KDM2A: variants seen among roughly 807,000 people sequenced by gnomAD.
The protein encoded by KDM2A is lysine-specific demethylase 2A.
Under a neutral mutation model 137.3 loss-of-function variants are expected in KDM2A, and 3 were observed. The ratio of observed to expected loss-of-function variants is 0.02; its 90% CI spans 0.01 to 0.06. The LOEUF (loss-of-function observed/expected upper bound fraction) is 0.06. Among genes scored for constraint, KDM2A ranks in the 10% least tolerant of loss-of-function variants. The pLI, the probability that KDM2A is intolerant of heterozygous loss-of-function variation, is 1.00. For synonymous variants in KDM2A, 512 were observed against 541.5 expected, an observed-to-expected ratio of 0.95 and a Z score of 0.76; for missense variants, 738 against 1,510.6, an observed-to-expected ratio of 0.49 and a Z score of 8.48.
chr11:67,195,697 C>A, intron 5 of KDM2A: 1 of 166,838 alleles, frequency 6.0e-6, no homozygotes. Flanking sequence ...TTAAATTCTT[C>A]AAGCAAATTG....
intron 2 of KDM2A, among the ~76,000 whole-genome samples, chr11:67,124,847 ACTTTCTTTTT>A (rs1363180267): frequency 6.7e-6 from 1 of 150,246 alleles, no homozygotes; most frequent in East Asian, 1.9e-4. Context: ...TTTGGAGAGA[ACTTTCTTTTT>A]CTTTCTTTTT....
At chr11:67,135,388 T>C (rs2136287787) in intron 2 of KDM2A, among the ~76,000 whole-genome samples, 1 of 152,280 alleles carries the variant, frequency 6.6e-6, no homozygotes, top group East Asian at 1.9e-4. Flanking sequence ...ATACTCTCTT[T>C]GAAGGATAGG....
At chr11:67,183,801 A>T (rs1165049369) in intron 5 of KDM2A, among the ~76,000 whole-genome samples, 2 of 152,100 alleles carry the variant, frequency 1.3e-5, no homozygotes, top group African/African-American at 4.8e-5. Flanking sequence ...TTCTGATCAC[A>T]GAAGTACAGA....
At chr11:67,140,245 A>G (rs1318884946) in intron 2 of KDM2A, among the ~76,000 whole-genome samples, 1 of 151,980 alleles carries the variant, frequency 6.6e-6, no homozygotes, top group East Asian at 1.9e-4. Flanking sequence ...GTGTACCTCT[A>G]GTCCCAGGTA....
At chr11:67,247,341 T>G (rs1463506677) in intron 15 of KDM2A, among the ~76,000 whole-genome samples, 1 of 149,404 alleles carries the variant, frequency 6.7e-6, no homozygotes, top group Non-Finnish European at 1.5e-5. Context: ...TCACCCGCCT[T>G]GGCCTCCAAA....
intron 2 of KDM2A, among the ~76,000 whole-genome samples, chr11:67,139,701 GCTA>G (rs1319840565): frequency 2.0e-5 from 3 of 149,800 alleles, no homozygotes; most frequent in African/African-American, 7.5e-5. Flanking sequence ...GGTTGCTGCT[GCTA>G]TTTTTTTTTT....
At chr11:67,135,546 G>T (rs1008800570) in intron 2 of KDM2A, among the ~76,000 whole-genome samples, 5 of 152,152 alleles carry the variant, frequency 3.3e-5, no homozygotes, top group African/African-American at 7.2e-5. Context: ...TTAGATCCTG[G>T]ATCACAGACG....
rs532907763 is a variant in KDM2A at position 67,211,487 on chromosome 11, A to G, written c.486+3799A>G. ...AAATTAGCTGGGTGTGGTGGTGCAC[A>G]CCCGTGATCCCAGCTACCTGGGAAG... On this transcript the variant is annotated intron_variant, in intron 6 of 20. Coordinates refer to ENST00000529006, the MANE Select transcript of KDM2A (RefSeq NM_012308.3). 5.3e-5 allele frequency among the ~76,000 whole-genome samples: 8 copies of G among 151,572 alleles called. No homozygotes were observed. In the East Asian group the frequency reaches 1.6e-3, roughly 30 times the overall value.
Position 67,254,426 on chromosome 11 carries a change from G to C in KDM2A, c.3307+8G>C. 6.2e-7 allele frequency: 1 copy of C among 1,610,616 alleles called. No individual in the cohort carries two copies. The highest frequency in any genetic ancestry group is 8.5e-7 in the Non-Finnish European group (1 of 1,177,094). ...CAGAGCTCAATATGGCAGGTATGCC[G>C]CTACAGTTGTTCATAATCAGCGGTG... is the stretch of plus-strand genomic sequence containing the variant. On this transcript the variant is annotated splice_region_variant and intron_variant, in intron 20 of 20. Coordinates refer to ENST00000529006, the MANE Select transcript of KDM2A (RefSeq NM_012308.3). The surrounding 1 kb of genome is among the most constrained non-coding windows in gnomAD (Gnocchi z 4.7).
chr11:67,180,032 G>T (rs766502860), intron 2 of KDM2A, 47 bp from the exon 3 acceptor site: 1 of 1,573,494 alleles, frequency 6.4e-7, no homozygotes, highest in Non-Finnish European at 8.6e-7. Flanking sequence ...TTGTAGGTAG[G>T]CATGAAAAAG....
chr11:67,217,280 CTA>C (rs953596492), intron 8 of KDM2A, among the ~76,000 whole-genome samples: 66 of 146,978 alleles, frequency 4.5e-4, no homozygotes, highest in Admixed American at 2.4e-3. Flanking sequence ...ATCAGAACAA[CTA>C]TGTCTCCAAA....
Position 67,254,545 on chromosome 11 carries a change from TGGACAA to T in KDM2A, c.3307+133_3307+138del. ...CCACATCAGCTCATTTCTTCACATC[TGGACAA>T]GGACATGGATTTCTATCCCTTTTTT... On this transcript the variant is annotated intron_variant, in intron 20 of 20. Transcript: ENST00000529006. This position sits in a 1 kb window ranked among gnomAD's most constrained non-coding sequence, Gnocchi z 4.7. 1.2e-6 allele frequency: 1 copy of T among 807,928 alleles called. No homozygotes were observed. Among genetic ancestry groups the T allele is most frequent in the Non-Finnish European group, 2.1e-6 (1 of 487,696 alleles). The allele number at this position is 807,928 out of a possible 1,614,324, so 50.0% of individuals were successfully genotyped here.
At chr11:67,123,741 A>G (rs1034113736) in intron 2 of KDM2A, among the ~76,000 whole-genome samples, 1 of 151,722 alleles carries the variant, frequency 6.6e-6, no homozygotes, top group Non-Finnish European at 1.5e-5. Context: ...CAATGGCACT[A>G]TCTCTGCTTA....
At chr11:67,219,763 G>A (rs918684210) in intron 10 of KDM2A, 2 of 154,138 alleles carry the variant, frequency 1.3e-5, no homozygotes, top group African/African-American at 4.8e-5. Flanking sequence ...CGTTGCCCAG[G>A]CTGGTCTAGA....
chr11:67,215,982 T>C, intron 8 of KDM2A, 33 bp downstream of exon 8: 1 of 1,541,494 alleles, frequency 6.5e-7, no homozygotes, highest in Admixed American at 1.7e-5. Flanking sequence ...GGTTGGAATC[T>C]GAAGTTGGTT....
chr11:67,121,586 G>C (rs546615346), intron 2 of KDM2A, among the ~76,000 whole-genome samples: 4 of 152,220 alleles, frequency 2.6e-5, no homozygotes, highest in African/African-American at 9.6e-5. Flanking sequence ...GTAGCCTTTA[G>C]CTTTTATAGA....
intron 10 of KDM2A, among the ~76,000 whole-genome samples, chr11:67,220,203 G>A (rs1307548637): frequency 1.3e-5 from 2 of 151,862 alleles, no homozygotes; most frequent in East Asian, 3.9e-4. Context: ...TTGGAGATGG[G>A]TTTTTGCTGT....
At chr11:67,145,542 G>A (rs568700591) in intron 2 of KDM2A, among the ~76,000 whole-genome samples, 1 of 151,002 alleles carries the variant, frequency 6.6e-6, no homozygotes, top group African/African-American at 2.4e-5. Context: ...GAATATGGTA[G>A]CACCCCATTT....
intron 10 of KDM2A, 50 bp downstream of exon 10, chr11:67,219,453 T>C (rs767298797): frequency 1.1e-5 from 10 of 926,942 alleles, no homozygotes; most frequent in Non-Finnish European, 1.4e-5. Flanking sequence ...ACTCCAGTTA[T>C]GATAGATGTT....
Sources: gnomAD v4.1 joint callset for allele counts (sites outside exome capture counted in the v4.1 genomes callset) on GRCh38, gnomAD v4.1.1 for gene constraint, Gnocchi (gnomAD v3.1) non-coding constraint, MANE v1.5 for transcripts, NCBI Gene and HGNC (gene_info 2026-07-23, HGNC 2026-07-21) for gene names.